Variants in PCID2 observed in about 807,000 individuals in gnomAD.
The protein encoded by PCID2 is PCI domain containing 2, also known as PCI domain-containing protein 2.
In PCID2, 41 loss-of-function variants were observed where a neutral mutation model predicts 61.3. The observed-to-expected ratio is 0.67, with a 90% CI of 0.52 to 0.87. PCID2 has a LOEUF of 0.87. Among genes scored for constraint, PCID2 ranks in the 40% least tolerant of loss-of-function variants. The pLI is 0.00. For synonymous variants in PCID2, 187 were observed against 177.8 expected, an observed-to-expected ratio of 1.05 and a Z score of -0.41; for missense variants, 392 against 493.4, an observed-to-expected ratio of 0.79 and a Z score of 1.95.
rs770417060 is a variant in PCID2, at chr13:113,178,292, G to T, written c.1111-5C>A. ...TATGTAGCCTTTGACGTGTCCCTGC[G>T]GGGCAGAAAGGGAGGAATGCGTTTA... On this transcript the variant is annotated splice_region_variant and splice_polypyrimidine_tract_variant and intron_variant, in intron 13 of 13. Coordinates refer to ENST00000337344, the MANE Select transcript of PCID2 (RefSeq NM_001127202.4). 6.2e-7 allele frequency: 1 copy of T among 1,607,182 alleles called. No individual in the cohort carries two copies. Among genetic ancestry groups the T allele is most frequent in the South Asian group, 1.1e-5 (1 of 90,854 alleles).
At position 113,201,333 on chromosome 13, in the gene PCID2, GAA is replaced by G. The variant is rs549439644; in HGVS notation, c.37-819_37-818del. 2.1e-3 allele frequency among the ~76,000 whole-genome samples: 324 copies of G among 152,260 alleles called. 1 individual carries two copies. The highest frequency in any genetic ancestry group is 7.4e-3 in the African/African-American group (307 of 41,562). On this transcript the variant is annotated intron_variant, in intron 1 of 13. Transcript: ENST00000337344. Reference sequence around the variant, plus strand: ...GTATAACTTGATTTGGGAGAAAAAAGAAGAGAAAAATTACGTACAACATGCAG... The same window carrying G: ...GTATAACTTGATTTGGGAGAAAAAAGGAGAAAAATTACGTACAACATGCAG...
intron 1 of PCID2, chr13:113,208,257 C>T (rs1008005448): frequency 2.8e-6 from 4 of 1,440,832 alleles, no homozygotes; most frequent in South Asian, 2.8e-5. Context: ...AGCGGGCCCT[C>T]GGCGTGGCCC....
At chr13:113,197,838 A>G (rs1173520612) in intron 3 of PCID2, among the ~76,000 whole-genome samples, 1 of 152,222 alleles carries the variant, frequency 6.6e-6, no homozygotes, top group African/African-American at 2.4e-5. Context: ...GTGTACATAA[A>G]AAGTAGCATT....
downstream of PCID2, among the ~76,000 whole-genome samples, chr13:113,174,204 C>T (rs2037156267): frequency 6.6e-6 from 1 of 151,446 alleles, no homozygotes; most frequent in African/African-American, 2.4e-5. Context: ...TGCCACTGCA[C>T]TCCAGCCTGG....
chr13:113,171,816 G>A, the PCID2 span: 4 of 1,613,486 alleles, frequency 2.5e-6, no homozygotes, highest in East Asian at 2.2e-5. This position sits in a 1 kb window ranked among gnomAD's most constrained non-coding sequence, Gnocchi z 5.1. Context: ...GGCTGGGCAC[G>A]CAATGGCACT....
rs752054986 is a variant in PCID2 at position 113,181,512 on chromosome 13, G to C, written c.686-282C>G. On this transcript the variant is annotated intron_variant, in intron 9 of 13. Transcript: ENST00000337344. ...GATTCTGATTTGCCTAAGGTCAGCT[G>C]GCAAACCATTATGATAACATTTTAA... 2.0e-5 allele frequency among the ~76,000 whole-genome samples: 3 copies of C among 152,242 alleles called. No homozygotes were observed. In the South Asian group the frequency reaches 6.2e-4, roughly 32 times the overall value.
At chr13:113,193,387 G>C (rs572120163) in intron 6 of PCID2, among the ~76,000 whole-genome samples, 28 of 152,210 alleles carry the variant, frequency 1.8e-4, no homozygotes, top group African/African-American at 6.0e-4. Context: ...ACAACTTTGT[G>C]ATGTAGCCTT....
chr13:113,197,091 C>T, intron 4 of PCID2, 87 bp downstream of exon 4: 1 of 1,614,210 alleles, frequency 6.2e-7, no homozygotes, highest in Non-Finnish European at 8.5e-7. Context: ...AAATGAGCAA[C>T]TGGCCCAGTG....
chr13:113,207,203 C>T (rs1006138273), intron 1 of PCID2, among the ~76,000 whole-genome samples: 14 of 152,186 alleles, frequency 9.2e-5, no homozygotes, highest in African/African-American at 1.4e-4. Context: ...ATTTTTGCTA[C>T]CCGAACCTGT....
chr13:113,181,040 C>T, intron 10 of PCID2, 90 bp downstream of exon 10: 2 of 838,814 alleles, frequency 2.4e-6, no homozygotes, highest in South Asian at 1.4e-5. Context: ...TGATCAACTA[C>T]AGACTGTCTG....
chr13:113,172,241 G>A, the PCID2 span: 18 of 1,264,782 alleles, frequency 1.4e-5, no homozygotes, highest in South Asian at 2.6e-5. Flanking sequence ...CTTGGCCCAC[G>A]CAGCAGCAGA....
At chr13:113,201,444 C>T (rs71446677) in intron 1 of PCID2, among the ~76,000 whole-genome samples, 6,525 of 152,142 alleles carry the variant, frequency 0.043, 207 homozygotes, top group Middle Eastern at 0.11. Context: ...GACCCGGGAG[C>T]CTTTTGCCCT....
intron 6 of PCID2, among the ~76,000 whole-genome samples, chr13:113,192,793 A>G (rs1451132219): frequency 1.3e-5 from 2 of 152,136 alleles, no homozygotes; most frequent in Non-Finnish European, 2.9e-5. Context: ...ATGGTCTGCT[A>G]TGGTCTGAAT....
intron 1 of PCID2, 158 bp from the exon 2 acceptor site, chr13:113,200,674 T>G: frequency 2.0e-6 from 1 of 494,598 alleles, no homozygotes; most frequent in Non-Finnish European, 3.6e-6. Flanking sequence ...CACTACTCTC[T>G]GCAGTGGGTA....
intron 5 of PCID2, 26 bp from the exon 6 acceptor site, chr13:113,195,151 G>A (rs2038918451): frequency 6.6e-7 from 1 of 1,510,130 alleles, no homozygotes; most frequent in South Asian, 1.1e-5. Flanking sequence ...GTAAACAAGT[G>A]TGAGGGGCTA....
intron 9 of PCID2, among the ~76,000 whole-genome samples, chr13:113,182,972 T>C (rs924943320): frequency 6.6e-6 from 1 of 152,224 alleles, no homozygotes; most frequent in Non-Finnish European, 1.5e-5. Flanking sequence ...CTCCAAATAC[T>C]CTTTCTTACA....
intron 9 of PCID2, chr13:113,183,679 G>C (rs2037843500): frequency 2.7e-6 from 2 of 751,876 alleles, no homozygotes. Flanking sequence ...CTGAAGAAGA[G>C]TTTAAAGTCT....
chr13:113,181,105 T>C lies in PCID2; in HGVS notation c.786+25A>G, dbSNP rs771518145. ...AACTTTGTGAAAGCACCAGGATCTA[T>C]AAACATGGAGTAATAATCACTCACC... On this transcript the variant is annotated intron_variant, in intron 10 of 13. Coordinates refer to ENST00000337344, the MANE Select transcript of PCID2 (RefSeq NM_001127202.4). 13 of 1,450,632 alleles carry C rather than the reference T, an allele frequency of 9.0e-6. No individual in the cohort carries two copies. The South Asian group carries it at 1.5e-4, about 16-fold the overall frequency. 89.9% of individuals were successfully genotyped at this position (1,450,632 alleles called of 1,614,324 possible).
At chr13:113,208,127 C>T in intron 1 of PCID2, 2 of 1,607,648 alleles carry the variant, frequency 1.2e-6, no homozygotes, top group Non-Finnish European at 1.7e-6. Flanking sequence ...ACGAGGGGCA[C>T]GAGCCCGGCC....
Sources: allele counts gnomAD v4.1 joint callset (sites outside exome capture counted in the v4.1 genomes callset), GRCh38; gene constraint gnomAD v4.1.1; non-coding constraint Gnocchi (gnomAD v3.1); transcripts MANE v1.5; gene names NCBI Gene and HGNC (gene_info 2026-07-23, HGNC 2026-07-21).